Variants in PFKFB3 observed in about 807,000 individuals in gnomAD.
PFKFB3 encodes the protein 6-phosphofructo-2-kinase/fructose-2,6-biphosphatase 3.
PFKFB3 carries 33 observed loss-of-function variants against 68.0 expected under a neutral mutation model. The ratio of observed to expected loss-of-function variants is 0.49; its 90% CI spans 0.37 to 0.65. The LOEUF is 0.65. Ranked by LOEUF, PFKFB3 falls within the 30% of genes least tolerant of loss-of-function variation. PFKFB3 has a pLI of 0.00. For missense variants in PFKFB3, 586 were observed against 712.2 expected, an observed-to-expected ratio of 0.82 and a Z score of 2.02; for synonymous variants, 315 against 288.2, an observed-to-expected ratio of 1.09 and a Z score of -0.94.
At chr10:6,209,473 A>ATTT (rs59104402) in intron 1 of PFKFB3, among the ~76,000 whole-genome samples, 15 of 150,864 alleles carry the variant, frequency 9.9e-5, no homozygotes, top group South Asian at 2.1e-4. Flanking sequence ...AAACTCAATA[A>ATTT]TTTTTTTTTT....
At chr10:6,273,862 T>C in the PFKFB3 span, among the ~76,000 whole-genome samples, 9 of 152,306 alleles carry the variant, frequency 5.9e-5, no homozygotes, top group South Asian at 1.9e-3. Context: ...GACCCAGTCC[T>C]GCCGACACCT....
At chr10:6,183,815 G>C (rs1481672877) in intron 1 of PFKFB3, among the ~76,000 whole-genome samples, 2 of 150,816 alleles carry the variant, frequency 1.3e-5, no homozygotes, top group Non-Finnish European at 3.0e-5. Context: ...AGCCTCCCAA[G>C]TAGTTGGGAC....
chr10:6,231,323 C>T, intron 14 of PFKFB3: 14 of 1,612,450 alleles, frequency 8.7e-6, no homozygotes, highest in Non-Finnish European at 1.2e-5. Flanking sequence ...AGGTAAATGC[C>T]TGGGTGCATG....
At chr10:6,275,018 AT>A in the PFKFB3 span, among the ~76,000 whole-genome samples, 2 of 151,990 alleles carry the variant, frequency 1.3e-5, no homozygotes, top group Non-Finnish European at 2.9e-5. The surrounding 1 kb of genome is among the most constrained non-coding windows in gnomAD (Gnocchi z 4.9). Context: ...AAGTTTACAT[AT>A]TCTTGAATTT....
At chr10:6,281,182 T>TATATATATACAC in the PFKFB3 span, among the ~76,000 whole-genome samples, 3 of 133,688 alleles carry the variant, frequency 2.2e-5, no homozygotes, top group African/African-American at 7.9e-5. Context: ...TATATATATA[T>TATATATATACAC]ACACCACAGT....
intron 1 of PFKFB3, among the ~76,000 whole-genome samples, chr10:6,177,405 TTTC>T (rs1415665154): frequency 4.0e-4 from 59 of 146,474 alleles, no homozygotes; most frequent in African/African-American, 1.2e-3. Context: ...TCTTTCTTTC[TTTC>T]TTCTTTCTCT....
At chr10:6,240,832 A>G (rs1284613903) in intron 14 of PFKFB3, among the ~76,000 whole-genome samples, 3 of 151,978 alleles carry the variant, frequency 2.0e-5, no homozygotes, top group South Asian at 2.1e-4. Context: ...AATCTGTGAC[A>G]ATTTCTCACT....
intron 1 of PFKFB3, among the ~76,000 whole-genome samples, chr10:6,206,773 GGC>G: frequency 1.5e-5 from 2 of 136,090 alleles, no homozygotes; most frequent in Non-Finnish European, 3.1e-5. Flanking sequence ...TGGGCAGCCA[GGC>G]AGAGGGGGTC....
chr10:6,218,532 G>A (rs1438151971), intron 6 of PFKFB3, among the ~76,000 whole-genome samples: 3 of 151,874 alleles, frequency 2.0e-5, no homozygotes, highest in East Asian at 1.9e-4. Flanking sequence ...GGGTTCAAGC[G>A]ATTCTCCTGC....
chr10:6,275,540 A>T, the PFKFB3 span, among the ~76,000 whole-genome samples: 1 of 152,184 alleles, frequency 6.6e-6, no homozygotes, highest in Non-Finnish European at 1.5e-5. The surrounding 1 kb of genome is among the most constrained non-coding windows in gnomAD (Gnocchi z 4.9). Flanking sequence ...TCATGAGCTC[A>T]TCTGGGCAGT....
chr10:6,236,769 G>A (rs117229579), downstream of PFKFB3, among the ~76,000 whole-genome samples: 2,120 of 152,328 alleles, frequency 0.014, 113 homozygotes, highest in Admixed American at 0.086. Context: ...GAGGATGTCT[G>A]TGTATCGTAA....
rs1845576402 is a variant in PFKFB3, at chr10:6,229,310, G to A, written c.1515+2945G>A. ...AGGGCAGTCAGTCCCCCGTTTAATG[G>A]TTGAGGGGCTGAGTGACCGGCCCGT... On this transcript the variant is annotated intron_variant, in intron 14 of 14. Transcript: ENST00000379775. The surrounding 1 kb of genome is among the most constrained non-coding windows in gnomAD (Gnocchi z 4.3). The A allele has an allele frequency of 2.6e-6, 1 of 384,698 alleles. No homozygotes were observed. Among genetic ancestry groups the A allele is most frequent in the Non-Finnish European group, 5.4e-6 (1 of 184,974 alleles). 23.8% of individuals were successfully genotyped at this position (384,698 alleles called of 1,614,324 possible).
the PFKFB3 span, among the ~76,000 whole-genome samples, chr10:6,275,704 C>T: frequency 1.3e-5 from 2 of 152,176 alleles, no homozygotes; most frequent in African/African-American, 4.8e-5. This position sits in a 1 kb window ranked among gnomAD's most constrained non-coding sequence, Gnocchi z 4.9. Context: ...CTCACTGCAA[C>T]CTCCGCTTCC....
upstream of PFKFB3, among the ~76,000 whole-genome samples, chr10:6,200,157 G>T (rs1843291594): frequency 6.6e-6 from 1 of 152,158 alleles, no homozygotes; most frequent in African/African-American, 2.4e-5. Context: ...TAAAGCAAGT[G>T]GGGTTGACTA....
At chr10:6,164,511 G>T (rs1842071045) in intron 1 of PFKFB3, among the ~76,000 whole-genome samples, 1 of 152,232 alleles carries the variant, frequency 6.6e-6, no homozygotes, top group South Asian at 2.1e-4. Context: ...CTCCACACCT[G>T]TGGGTGTTTC....
intron 1 of PFKFB3, among the ~76,000 whole-genome samples, chr10:6,158,923 T>C (rs940874148): frequency 6.6e-6 from 1 of 151,958 alleles, no homozygotes; most frequent in African/African-American, 2.4e-5. Flanking sequence ...GTTCCTAGTA[T>C]TGCTGATGTT....
At chr10:6,248,913 C>T (rs1401703808) in intron 14 of PFKFB3, among the ~76,000 whole-genome samples, 8 of 152,042 alleles carry the variant, frequency 5.3e-5, no homozygotes, top group Non-Finnish European at 2.9e-5. Flanking sequence ...GTGGCTCACG[C>T]CTGTAATCCC....
At chr10:6,272,680 G>C in the PFKFB3 span, among the ~76,000 whole-genome samples, 2 of 152,048 alleles carry the variant, frequency 1.3e-5, no homozygotes, top group South Asian at 4.2e-4. Flanking sequence ...GGGTGACAGA[G>C]GGAGACTCTG....
chr10:6,214,271 G>A (rs1564626933), intron 2 of PFKFB3, among the ~76,000 whole-genome samples: 2 of 152,278 alleles, frequency 1.3e-5, no homozygotes, highest in East Asian at 3.9e-4. Context: ...TGTGAACTGG[G>A]CATGTGATGG....
Sources: gnomAD v4.1 joint callset for allele counts (sites outside exome capture counted in the v4.1 genomes callset) on GRCh38, gnomAD v4.1.1 for gene constraint, Gnocchi (gnomAD v3.1) non-coding constraint, MANE v1.5 for transcripts, NCBI Gene and HGNC (gene_info 2026-07-23, HGNC 2026-07-21) for gene names.